HIBCH: variants seen among roughly 807,000 people sequenced by gnomAD.
HIBCH encodes 3-hydroxyisobutyryl-CoA hydrolase, mitochondrial.
Under a neutral mutation model 58.2 loss-of-function variants are expected in HIBCH, and 50 were observed. That is an observed-to-expected ratio of 0.86 (90% CI 0.68 to 1.09). HIBCH has a LOEUF of 1.09. HIBCH is among the 50% of genes least tolerant of loss of function. The pLI is 0.00. For missense variants in HIBCH, 450 were observed against 449.7 expected (o/e 1.00, Z -0.01); for synonymous variants, 151 against 146.9 (o/e 1.03, Z -0.20).
chr2:190,222,042 A>T (rs1055240488), intron 11 of HIBCH, among the ~76,000 whole-genome samples: 1 of 152,216 alleles, frequency 6.6e-6, no homozygotes, highest in Non-Finnish European at 1.5e-5. Flanking sequence ...CCCTCCACTG[A>T]GCTGCTAACA....
chr2:190,281,133 C>G lies in HIBCH; in HGVS notation c.438+6453G>C, dbSNP rs893907351. 2.0e-5 allele frequency: 3 copies of G among 152,360 alleles called. No individual in the cohort carries two copies. The highest frequency in any genetic ancestry group is 7.2e-5 in the African/African-American group (3 of 41,462). 9.4% of individuals were successfully genotyped at this position (152,360 alleles called of 1,614,324 possible). On this transcript the variant is annotated intron_variant, in intron 6 of 13. Transcript: ENST00000359678. This position sits in a 1 kb window ranked among gnomAD's most constrained non-coding sequence, Gnocchi z 5.4. Reference sequence around the variant, plus strand: ...AAGGGCAGCTCTAGCTCTGACCTCACAATTCCACTTGGCATTCTCCAGAAT... The same window carrying G: ...AAGGGCAGCTCTAGCTCTGACCTCAGAATTCCACTTGGCATTCTCCAGAAT...
chr2:190,191,836 ATACT>A (rs1262547137), intron 1 of HIBCH, among the ~76,000 whole-genome samples: 2 of 151,826 alleles, frequency 1.3e-5, no homozygotes, highest in Non-Finnish European at 2.9e-5. Context: ...TTGAGTTTTG[ATACT>A]TATATATTCT....
intron 1 of HIBCH, among the ~76,000 whole-genome samples, chr2:190,195,185 T>G (rs555231304): frequency 2.6e-5 from 4 of 152,162 alleles, no homozygotes; most frequent in African/African-American, 9.7e-5. Context: ...ATGCTGAATA[T>G]GTTCCATTGT....
intron 6 of HIBCH, among the ~76,000 whole-genome samples, chr2:190,261,958 G>A (rs1444376443): frequency 6.6e-6 from 1 of 152,144 alleles, no homozygotes; most frequent in Non-Finnish European, 1.5e-5. Flanking sequence ...GCAGCCAATG[G>A]AGACTAACCA....
chr2:190,301,083 A>G (rs1196965928), intron 2 of HIBCH, among the ~76,000 whole-genome samples: 1 of 152,206 alleles, frequency 6.6e-6, no homozygotes, highest in Non-Finnish European at 1.5e-5. Context: ...TTAAAATGTT[A>G]ATCTTAGTTA....
At chr2:190,259,323 G>A (rs1267284400) in intron 7 of HIBCH, among the ~76,000 whole-genome samples, 14 of 76,768 alleles carry the variant, frequency 1.8e-4, no homozygotes, top group African/African-American at 7.8e-4. Context: ...ATACAGATGT[G>A]TGTGTGTGTG....
chr2:190,196,751 T>C (rs1312809543), intron 1 of HIBCH, among the ~76,000 whole-genome samples: 1 of 152,202 alleles, frequency 6.6e-6, no homozygotes, highest in African/African-American at 2.4e-5. Flanking sequence ...TGAAGCTTTA[T>C]TGGATATAGC....
intron 6 of HIBCH, among the ~76,000 whole-genome samples, chr2:190,286,562 C>T (rs1575749611): frequency 6.6e-6 from 1 of 152,190 alleles, no homozygotes; most frequent in Non-Finnish European, 1.5e-5. Flanking sequence ...CTTCTCCATG[C>T]AGCCCTTTCC....
At chr2:190,302,066 A>C (rs1688277797) in intron 2 of HIBCH, among the ~76,000 whole-genome samples, 1 of 152,232 alleles carries the variant, frequency 6.6e-6, no homozygotes, top group Non-Finnish European at 1.5e-5. Flanking sequence ...TCCAATATGG[A>C]ATGCAGACTA....
chr2:190,249,818 T>C, intron 8 of HIBCH, 92 bp from the exon 9 acceptor site: 1 of 850,746 alleles, frequency 1.2e-6, no homozygotes, highest in Non-Finnish European at 1.9e-6. Context: ...TTAGAATTCT[T>C]GACTTTAAAT....
At chr2:190,190,491 T>A (rs1297006371) in intron 1 of HIBCH, among the ~76,000 whole-genome samples, 1 of 152,238 alleles carries the variant, frequency 6.6e-6, no homozygotes, top group African/African-American at 2.4e-5. Flanking sequence ...CTTTGACTAT[T>A]GTGAATAAAG....
chr2:190,275,147 G>A lies in HIBCH; in HGVS notation c.438+12439C>T, dbSNP rs142791679. Among the ~76,000 whole-genome samples, 1,028 of 152,204 alleles carry A rather than the reference G, an allele frequency of 6.8e-3. 13 individuals are homozygous for A. The highest frequency in any genetic ancestry group is 0.022 in the African/African-American group (934 of 41,530). On this transcript the variant is annotated intron_variant, in intron 6 of 13. Coordinates refer to ENST00000359678, the MANE Select transcript of HIBCH (RefSeq NM_014362.4). ...TGTGCCATATTTTGAGTTAGGTTGG[G>A]GAACCAACTTCATTTCTATTCGAAA...
chr2:190,311,653 T>C (rs980386727), intron 1 of HIBCH, among the ~76,000 whole-genome samples: 4 of 152,298 alleles, frequency 2.6e-5, no homozygotes, highest in East Asian at 3.9e-4. Flanking sequence ...CAAAGTCTGA[T>C]TGATAAATAT....
intron 1 of HIBCH, among the ~76,000 whole-genome samples, chr2:190,313,063 A>T (rs1688600338): frequency 1.3e-5 from 2 of 152,196 alleles, no homozygotes; most frequent in Admixed American, 1.3e-4. Context: ...TCCTCTTCAA[A>T]GTTTTTCTTC....
At chr2:190,282,820 A>G (rs1240264663) in intron 6 of HIBCH, among the ~76,000 whole-genome samples, 1 of 146,966 alleles carries the variant, frequency 6.8e-6, no homozygotes, top group Non-Finnish European at 1.5e-5. Context: ...ATAACTGTAT[A>G]TTCCTAGTTG....
intron 6 of HIBCH, among the ~76,000 whole-genome samples, chr2:190,278,061 A>C (rs1010878956): frequency 6.6e-6 from 1 of 152,242 alleles, no homozygotes; most frequent in African/African-American, 2.4e-5. Context: ...CTTTCTGAAT[A>C]ACAAACTGTA....
rs2105924991 is a variant in HIBCH, at chr2:190,236,320, GTTATA to G, written c.891+8562_891+8566del. ...ATTTTAATAATAAGTCACATCATCT[GTTATA>G]TTGAAACCAAGTGACAAAAGCTCTA... On this transcript the variant is annotated intron_variant, in intron 11 of 13. Transcript: ENST00000359678. The surrounding 1 kb of genome is among the most constrained non-coding windows in gnomAD (Gnocchi z 4.1). 6.6e-6 allele frequency among the ~76,000 whole-genome samples: 1 copy of G among 152,132 alleles called. No homozygotes were observed. Among genetic ancestry groups the G allele is most frequent in the Non-Finnish European group, 1.5e-5 (1 of 68,020 alleles).
intron 2 of HIBCH, among the ~76,000 whole-genome samples, chr2:190,297,593 T>C (rs899360357): frequency 6.6e-6 from 1 of 152,228 alleles, no homozygotes; most frequent in East Asian, 1.9e-4. Context: ...GTTTCCTGTA[T>C]ACTGACTTAA....
At chr2:190,257,701 C>G (rs1686965270) in intron 7 of HIBCH, among the ~76,000 whole-genome samples, 1 of 152,048 alleles carries the variant, frequency 6.6e-6, no homozygotes, top group Non-Finnish European at 1.5e-5. Flanking sequence ...CTGGGAAGCC[C>G]AATATCATGG....
Sources: allele counts gnomAD v4.1 joint callset (sites outside exome capture counted in the v4.1 genomes callset), GRCh38; gene constraint gnomAD v4.1.1; non-coding constraint Gnocchi (gnomAD v3.1); transcripts MANE v1.5; gene names NCBI Gene and HGNC (gene_info 2026-07-23, HGNC 2026-07-21).